Variants in LARGE1 observed in about 807,000 individuals in gnomAD.
The protein encoded by LARGE1 is xylosyl- and glucuronyltransferase LARGE1.
LARGE1 carries 43 observed loss-of-function variants against 87.6 expected under a neutral mutation model. The ratio of observed to expected loss-of-function variants is 0.49; its 90% confidence interval spans 0.38 to 0.63. LARGE1 has a LOEUF of 0.63. Ranked by LOEUF, LARGE1 falls within the 30% of genes least tolerant of loss-of-function variation. The pLI, the probability that LARGE1 is intolerant of heterozygous loss-of-function variation, is 0.00. For synonymous variants in LARGE1, 434 were observed against 394.6 expected, an observed-to-expected ratio of 1.10 and a Z score of -1.18; for missense variants, 802 against 1,000.2, an observed-to-expected ratio of 0.80 and a Z score of 2.67.
At chr22:33,902,415 A>G (rs375046801) in intron 1 of LARGE1, among the ~76,000 whole-genome samples, 43 of 152,332 alleles carry the variant, frequency 2.8e-4, no homozygotes, top group African/African-American at 1.0e-3. Flanking sequence ...AGAGTATCGC[A>G]GAGAAGCTGT....
At chr22:33,618,107 A>G (rs1158381954) in intron 4 of LARGE1, among the ~76,000 whole-genome samples, 1 of 152,240 alleles carries the variant, frequency 6.6e-6, no homozygotes, top group African/African-American at 2.4e-5. Flanking sequence ...TTCTCAGTGA[A>G]TCTGTTGCAC....
At chr22:33,383,496 GTTGCCGT>G (rs1208200030) in intron 8 of LARGE1, among the ~76,000 whole-genome samples, 1 of 152,090 alleles carries the variant, frequency 6.6e-6, no homozygotes, top group Non-Finnish European at 1.5e-5. Flanking sequence ...GGAGGCGGAG[GTTGCCGT>G]GAGCCGAGAC....
Position 33,527,486 on chromosome 22 carries a change from C to T in LARGE1, c.787+37362G>A, listed in dbSNP as rs1168950205. 3.9e-5 allele frequency among the ~76,000 whole-genome samples: 6 copies of T among 152,068 alleles called. No individual in the cohort carries two copies. The East Asian group carries it at 1.2e-3, about 29-fold the overall frequency. On this transcript the variant is annotated intron_variant, in intron 6 of 14. Coordinates refer to ENST00000397394, the MANE Select transcript of LARGE1 (RefSeq NM_133642.5). ...CCCAGGGGACAGAAATTCTGAACGG[C>T]CTTTCATTGGTGGGTGGCACTCGGA...
rs146169927 is a variant in LARGE1 at position 33,432,595 on chromosome 22, T to TCATTCATGCATG, written c.788-331_788-330insCATGCATGAATG. Among the ~76,000 whole-genome samples, 2,918 of 147,120 alleles carry TCATTCATGCATG rather than the reference T, an allele frequency of 0.02. 31 individuals carry two copies. Among genetic ancestry groups the TCATTCATGCATG allele is most frequent in the South Asian group, 0.059 (265 of 4,518 alleles). The stretch of plus-strand genomic sequence containing the variant: ...TTCATTCATTCATTCATTCATTCAT[T>TCATTCATGCATG]CATGCATGCATGCATGCATTTCTTT... On this transcript the variant is annotated intron_variant, in intron 6 of 14. Coordinates refer to ENST00000397394, the MANE Select transcript of LARGE1 (RefSeq NM_133642.5).
At chr22:33,687,448 T>C (rs2081978797) in intron 2 of LARGE1, among the ~76,000 whole-genome samples, 1 of 151,990 alleles carries the variant, frequency 6.6e-6, no homozygotes, top group Non-Finnish European at 1.5e-5. Flanking sequence ...TCCATTTCTC[T>C]TACTGGAAAC....
At chr22:33,584,309 C>T (rs567444173) in intron 5 of LARGE1, among the ~76,000 whole-genome samples, 1 of 152,136 alleles carries the variant, frequency 6.6e-6, no homozygotes, top group South Asian at 2.1e-4. Flanking sequence ...TCTGTGTTCT[C>T]GACAATGATG....
chr22:33,309,026 G>A (rs1935254247), intron 11 of LARGE1, among the ~76,000 whole-genome samples: 2 of 152,200 alleles, frequency 1.3e-5, no homozygotes, highest in South Asian at 4.1e-4. Context: ...AATGCATCTG[G>A]TATACTATAC....
At position 33,898,192 on chromosome 22, in the gene LARGE1, G is replaced by A. The variant is rs114069558; in HGVS notation, c.-83+21803C>T. Among the ~76,000 whole-genome samples, 602 of 152,312 alleles carry A rather than the reference G, an allele frequency of 4.0e-3. 2 individuals carry two copies. The highest frequency in any genetic ancestry group is 0.013 in the African/African-American group (548 of 41,572). ...GAGCTCCTGAATGATGCGGAAGACA[G>A]CCTGGGCTTGAGGGAGAAAATAAAA... is the stretch of plus-strand genomic sequence containing the variant. On this transcript the variant is annotated intron_variant, in intron 1 of 14. Coordinates refer to ENST00000397394, the MANE Select transcript of LARGE1 (RefSeq NM_133642.5).
intron 2 of LARGE1, among the ~76,000 whole-genome samples, chr22:33,756,954 G>C (rs529674559): frequency 2.0e-4 from 30 of 152,296 alleles, no homozygotes; most frequent in Middle Eastern, 3.4e-3. Context: ...CAAGTTTAGG[G>C]CCTGAACGGC....
At chr22:33,493,348 A>T (rs2069948716) in intron 6 of LARGE1, among the ~76,000 whole-genome samples, 1 of 151,436 alleles carries the variant, frequency 6.6e-6, no homozygotes, top group Admixed American at 6.6e-5. Flanking sequence ...TTTAGTAGAG[A>T]CGGGGTTTCA....
intron 2 of LARGE1, among the ~76,000 whole-genome samples, chr22:33,713,977 ATAACG>A (rs199573180): frequency 0.074 from 8,250 of 110,986 alleles, 240 homozygotes; most frequent in East Asian, 0.17. Context: ...ATAACGTAAC[ATAACG>A]TAACATAACA....
the LARGE1 span, among the ~76,000 whole-genome samples, chr22:33,139,083 C>T: frequency 0.081 from 12,348 of 152,150 alleles, 600 homozygotes; most frequent in African/African-American, 0.14. Flanking sequence ...ACATGACATG[C>T]TCCTCCTTGC....
chr22:33,892,013 G>A (rs982537124), intron 1 of LARGE1, among the ~76,000 whole-genome samples: 4 of 152,104 alleles, frequency 2.6e-5, no homozygotes, highest in African/African-American at 4.8e-5. Flanking sequence ...TTCTTAAGAC[G>A]TTTCGTACCT....
chr22:33,632,513 C>G lies in LARGE1; in HGVS notation c.409-6187G>C, dbSNP rs564536623. Among the ~76,000 whole-genome samples, 5 of 150,932 alleles carry G rather than the reference C, an allele frequency of 3.3e-5. No homozygotes were observed. In the East Asian group the frequency reaches 9.8e-4, roughly 30 times the overall value. ...GTCATTGGGAGGCACCAGTGGGGGT[C>G]TCAGAGGTCAGATTTCCCCGGCTCC... On this transcript the variant is annotated intron_variant, in intron 3 of 14. Coordinates refer to ENST00000397394, the MANE Select transcript of LARGE1 (RefSeq NM_133642.5).
chr22:33,289,457 A>C (rs775140354), intron 12 of LARGE1, among the ~76,000 whole-genome samples: 1 of 152,172 alleles, frequency 6.6e-6, no homozygotes, highest in African/African-American at 2.4e-5. Flanking sequence ...ATAAAGGCTT[A>C]TCTCTCATCT....
At chr22:33,472,420 T>C (rs2068883321) in intron 6 of LARGE1, among the ~76,000 whole-genome samples, 1 of 152,154 alleles carries the variant, frequency 6.6e-6, no homozygotes. Flanking sequence ...TTTCTTTCTT[T>C]TCAAATATCT....
At chr22:33,366,227 A>G (rs188604753) in intron 9 of LARGE1, among the ~76,000 whole-genome samples, 98 of 152,286 alleles carry the variant, frequency 6.4e-4, no homozygotes, top group Middle Eastern at 3.4e-3. Context: ...CATTTCTTCA[A>G]TGATCAGGTA....
At chr22:33,633,162 TCCCCA>T (rs2080161003) in intron 3 of LARGE1, among the ~76,000 whole-genome samples, 1 of 152,076 alleles carries the variant, frequency 6.6e-6, no homozygotes, top group Non-Finnish European at 1.5e-5. Flanking sequence ...TTTAAGACAA[TCCCCA>T]TTCCCCAAAA....
intron 1 of LARGE1, among the ~76,000 whole-genome samples, chr22:33,785,091 A>G (rs1024619464): frequency 6.7e-6 from 1 of 150,210 alleles, no homozygotes; most frequent in Admixed American, 6.6e-5. Flanking sequence ...ACATATGTGT[A>G]TATACATGTG....
Sources: allele counts gnomAD v4.1 joint callset (sites outside exome capture counted in the v4.1 genomes callset), GRCh38; gene constraint gnomAD v4.1.1; transcripts MANE v1.5; gene names NCBI Gene and HGNC (gene_info 2026-07-23, HGNC 2026-07-21).